Variants in DLGAP2 observed in about 807,000 individuals in gnomAD.
DLGAP2 encodes the protein DLG associated protein 2, also known as disks large-associated protein 2.
DLGAP2 carries 26 observed loss-of-function variants against 100.3 expected under a neutral mutation model. The observed-to-expected ratio is 0.26, with a 90% confidence interval of 0.19 to 0.36. The LOEUF (loss-of-function observed/expected upper bound fraction) is 0.36, where lower values mean the gene tolerates loss of function less well. Ranked by LOEUF, DLGAP2 falls within the 10% of genes least tolerant of loss-of-function variation. The pLI is 1.00. For missense variants in DLGAP2, 1,858 were observed against 1,453.2 expected (o/e 1.28, Z -4.53); for synonymous variants, 886 against 630.1 (o/e 1.41, Z -6.08).
At chr8:904,330 G>A (rs1376988235) in intron 1 of DLGAP2, among the ~76,000 whole-genome samples, 2 of 152,136 alleles carry the variant, frequency 1.3e-5, no homozygotes, top group African/African-American at 4.8e-5. Context: ...GACCAGCTTG[G>A]CCAATGTGGC....
intron 2 of DLGAP2, among the ~76,000 whole-genome samples, chr8:1,161,371 T>C (rs1796885568): frequency 1.3e-5 from 2 of 152,146 alleles, no homozygotes; most frequent in Admixed American, 1.3e-4. Flanking sequence ...AGGTGGAAGA[T>C]TTCACTGAGC....
intron 2 of DLGAP2, among the ~76,000 whole-genome samples, chr8:1,104,642 G>A (rs539373454): frequency 3.8e-4 from 58 of 152,124 alleles, no homozygotes; most frequent in Non-Finnish European, 7.6e-4. Context: ...GGAAATCGCC[G>A]CCTGCAACCC....
At chr8:1,263,898 T>A (rs760262628) in intron 3 of DLGAP2, among the ~76,000 whole-genome samples, 10 of 152,198 alleles carry the variant, frequency 6.6e-5, no homozygotes, top group Non-Finnish European at 7.3e-5. Flanking sequence ...TTTTAGTGAT[T>A]ATTGTTGCTT....
chr8:810,892 A>G (rs1796357790), intron 1 of DLGAP2, among the ~76,000 whole-genome samples: 1 of 152,162 alleles, frequency 6.6e-6, no homozygotes. Context: ...TGATTAGGAG[A>G]TCCTTTGTCA....
intron 13 of DLGAP2, among the ~76,000 whole-genome samples, chr8:1,694,556 G>A (rs1011862942): frequency 4.6e-5 from 7 of 152,176 alleles, no homozygotes; most frequent in Non-Finnish European, 1.0e-4. Context: ...AAAGCGTGTG[G>A]CCTGATTGCT....
intron 2 of DLGAP2, among the ~76,000 whole-genome samples, chr8:1,099,406 T>A (rs1177224453): frequency 6.6e-6 from 1 of 152,190 alleles, no homozygotes; most frequent in Non-Finnish European, 1.5e-5. Context: ...CAAGTTTCAT[T>A]CAACAAATTA....
chr8:1,200,299 TC>T (rs1330204770), intron 2 of DLGAP2, among the ~76,000 whole-genome samples: 5 of 152,128 alleles, frequency 3.3e-5, no homozygotes, highest in Non-Finnish European at 5.9e-5. Context: ...TGCTCCGGGG[TC>T]CTGCGTGTTC....
chr8:1,028,950 C>T (rs544648378), intron 2 of DLGAP2, among the ~76,000 whole-genome samples: 20 of 152,078 alleles, frequency 1.3e-4, no homozygotes, highest in African/African-American at 2.7e-4. Flanking sequence ...GCAGGAGGGA[C>T]GTGGGCCCTG....
chr8:1,188,146 G>A (rs1350981209), intron 2 of DLGAP2, among the ~76,000 whole-genome samples: 1 of 138,448 alleles, frequency 7.2e-6, no homozygotes, highest in Non-Finnish European at 1.5e-5. Context: ...GCACGCCCGG[G>A]ACTTCCGTGA....
intron 1 of DLGAP2, among the ~76,000 whole-genome samples, chr8:893,691 C>T (rs573157101): frequency 5.3e-5 from 8 of 152,336 alleles, no homozygotes; most frequent in African/African-American, 1.9e-4. Flanking sequence ...GCCCTCCTGC[C>T]TGCAGGTCTA....
chr8:1,433,198 C>T (rs891164836), intron 3 of DLGAP2, among the ~76,000 whole-genome samples: 1 of 152,226 alleles, frequency 6.6e-6, no homozygotes, highest in Non-Finnish European at 1.5e-5. Flanking sequence ...TCCATGAACT[C>T]TTGAAGGAGC....
At chr8:1,585,149 G>A (rs139682769) in intron 6 of DLGAP2, among the ~76,000 whole-genome samples, 141 of 152,246 alleles carry the variant, frequency 9.3e-4, no homozygotes, top group African/African-American at 3.3e-3. Context: ...AGGCTCCTAA[G>A]ACTGGCGCCT....
At chr8:1,628,488 C>T (rs549943009) in intron 7 of DLGAP2, among the ~76,000 whole-genome samples, 4 of 130,978 alleles carry the variant, frequency 3.1e-5, no homozygotes, top group East Asian at 2.4e-4. Context: ...CTCACATTCT[C>T]TCTGACTTAC....
intron 2 of DLGAP2, among the ~76,000 whole-genome samples, chr8:1,171,073 T>G (rs531919265): frequency 6.6e-6 from 1 of 152,304 alleles, no homozygotes; most frequent in Admixed American, 6.5e-5. Context: ...GAGATTCTGG[T>G]ATGTTGTGTC....
chr8:1,053,646 C>T (rs777066159), intron 2 of DLGAP2, among the ~76,000 whole-genome samples: 12 of 152,080 alleles, frequency 7.9e-5, no homozygotes, highest in Non-Finnish European at 1.3e-4. Flanking sequence ...TGTTTGGAGA[C>T]GGGATAATTC....
chr8:1,262,683 G>C (rs1799375616), intron 3 of DLGAP2: 2 of 152,162 alleles, frequency 1.3e-5, no homozygotes, highest in South Asian at 2.1e-4. Flanking sequence ...GCAGTAACCA[G>C]TTACTATATA....
intron 2 of DLGAP2, among the ~76,000 whole-genome samples, chr8:963,777 G>A (rs1292686168): frequency 2.6e-5 from 4 of 152,156 alleles, no homozygotes; most frequent in African/African-American, 9.7e-5. Context: ...TTTATGAACA[G>A]TAGGAATTCC....
At chr8:1,523,476 C>T (rs1349714360) in intron 4 of DLGAP2, among the ~76,000 whole-genome samples, 1 of 152,222 alleles carries the variant, frequency 6.6e-6, no homozygotes, top group Non-Finnish European at 1.5e-5. Context: ...CGGGCCAGAT[C>T]TCAGGGCCGG....
At chr8:1,274,771 A>G (rs1405040002) in intron 3 of DLGAP2, among the ~76,000 whole-genome samples, 1 of 147,660 alleles carries the variant, frequency 6.8e-6, no homozygotes, top group African/African-American at 2.5e-5. Context: ...TTACATACCA[A>G]ACATTCAGGC....
Sources: gnomAD v4.1 joint callset for allele counts (sites outside exome capture counted in the v4.1 genomes callset) on GRCh38, gnomAD v4.1.1 for gene constraint, MANE v1.5 for transcripts, NCBI Gene and HGNC (gene_info 2026-07-23, HGNC 2026-07-21) for gene names.